Variants in MBNL1 observed in about 807,000 individuals in gnomAD.
MBNL1 encodes the protein muscleblind-like protein 1.
Under a neutral mutation model 42.2 loss-of-function variants are expected in MBNL1, and 8 were observed. The observed-to-expected ratio is 0.19, with a 90% CI of 0.11 to 0.34. MBNL1 has a LOEUF of 0.34. Ranked by LOEUF, MBNL1 falls within the 10% of genes least tolerant of loss-of-function variation. MBNL1 has a pLI of 1.00. For synonymous variants in MBNL1, 169 were observed against 173.9 expected (o/e 0.97, Z 0.22); for missense variants, 309 against 495.3 (o/e 0.62, Z 3.57).
intron 2 of MBNL1, among the ~76,000 whole-genome samples, chr3:152,327,088 C>T (rs573281461): frequency 6.6e-6 from 1 of 152,036 alleles, no homozygotes; most frequent in African/African-American, 2.4e-5. Context: ...GGATTACAGG[C>T]GTGAGCCACT....
intron 5 of MBNL1, chr3:152,446,567 G>A: frequency 3.1e-6 from 2 of 641,650 alleles, no homozygotes; most frequent in Non-Finnish European, 5.6e-6. Flanking sequence ...CCGATGATTT[G>A]TTTTTTTATT....
At chr3:152,273,652 C>G (rs184321819) in intron 1 of MBNL1, among the ~76,000 whole-genome samples, 1 of 152,072 alleles carries the variant, frequency 6.6e-6, no homozygotes, top group Non-Finnish European at 1.5e-5. Context: ...AATCTCAAAA[C>G]GAAATGTAGC....
intron 2 of MBNL1, among the ~76,000 whole-genome samples, chr3:152,346,370 A>G (rs1012634618): frequency 1.3e-5 from 2 of 152,140 alleles, no homozygotes; most frequent in African/African-American, 4.8e-5. Flanking sequence ...GTTTATTTAT[A>G]TTCCTTAAAT....
upstream of MBNL1, chr3:152,268,844 T>TGGGGC: frequency 4.7e-6 from 2 of 424,430 alleles, no homozygotes; most frequent in South Asian, 3.2e-5. Context: ...GGCTTCCTGG[T>TGGGGC]GGGGCTGGGC....
intron 2 of MBNL1, among the ~76,000 whole-genome samples, chr3:152,337,418 G>A (rs1371431668): frequency 1.3e-5 from 2 of 152,064 alleles, no homozygotes; most frequent in African/African-American, 2.4e-5. Context: ...TCAGGAGTTC[G>A]AGAACAGCCT....
At chr3:152,456,457 G>A in intron 8 of MBNL1, 96 bp downstream of exon 8, 1 of 985,570 alleles carries the variant, frequency 1.0e-6, no homozygotes, top group Non-Finnish European at 1.6e-6. Context: ...GAGGTCAGTG[G>A]GAATCGTGTG....
intron 2 of MBNL1, among the ~76,000 whole-genome samples, chr3:152,342,364 T>C (rs1214962412): frequency 6.6e-6 from 1 of 152,152 alleles, no homozygotes; most frequent in East Asian, 1.9e-4. Context: ...TATTGTCTCC[T>C]TCTCAGGGTT....
At chr3:152,437,623 T>A (rs1032247991) in intron 4 of MBNL1, among the ~76,000 whole-genome samples, 7 of 152,208 alleles carry the variant, frequency 4.6e-5, no homozygotes, top group Admixed American at 1.3e-4. Flanking sequence ...CATTTATTTT[T>A]AAAAATTATA....
intron 2 of MBNL1, among the ~76,000 whole-genome samples, chr3:152,362,278 C>A (rs1179826036): frequency 6.6e-6 from 1 of 152,188 alleles, no homozygotes; most frequent in Non-Finnish European, 1.5e-5. Flanking sequence ...GTGCTCACTG[C>A]CGCGCGGATC....
chr3:152,272,039 TTCTCTCTCTCTCTCTC>T (rs139763690), intron 1 of MBNL1, among the ~76,000 whole-genome samples: 6 of 147,708 alleles, frequency 4.1e-5, no homozygotes, highest in Non-Finnish European at 7.5e-5. Flanking sequence ...CCTGTTTCTT[TTCTCTCTCTCTCTCTC>T]TCTCTCTCTC....
chr3:152,339,778 T>C (rs1334431722), intron 2 of MBNL1: 2 of 152,178 alleles, frequency 1.3e-5, no homozygotes, highest in Admixed American at 1.3e-4. Context: ...TATTGATCTT[T>C]GACAGTGTTT....
intron 2 of MBNL1, among the ~76,000 whole-genome samples, chr3:152,391,521 G>A (rs1474565823): frequency 2.6e-5 from 4 of 152,058 alleles, no homozygotes. Context: ...GGTCCATAAA[G>A]CTTTCCTGAA....
chr3:152,338,884 G>T (rs2092211014), intron 2 of MBNL1, among the ~76,000 whole-genome samples: 1 of 151,876 alleles, frequency 6.6e-6, no homozygotes, highest in African/African-American at 2.4e-5. Flanking sequence ...ATTAAATTTG[G>T]CATGGAACAG....
At chr3:152,423,780 AT>A (rs1393569802) in intron 3 of MBNL1, among the ~76,000 whole-genome samples, 2 of 152,240 alleles carry the variant, frequency 1.3e-5, no homozygotes, top group Non-Finnish European at 2.9e-5. Flanking sequence ...GGTTCAGCAT[AT>A]GGAAATCAAT....
upstream of MBNL1, chr3:152,264,690 TAATTTCAA>T (rs2036891076): frequency 6.6e-6 from 1 of 152,198 alleles, no homozygotes; most frequent in African/African-American, 2.4e-5. Flanking sequence ...TTTGAACTTT[TAATTTCAA>T]AATGTATTTG....
intron 9 of MBNL1, among the ~76,000 whole-genome samples, chr3:152,461,687 T>C (rs987957350): frequency 1.3e-5 from 2 of 152,232 alleles, no homozygotes; most frequent in African/African-American, 4.8e-5. Context: ...ATTTTCAAGG[T>C]TGTATTGTGA....
At chr3:152,268,571 A>G (rs1576839085), upstream of MBNL1, 2 of 350,724 alleles carry the variant, frequency 5.7e-6, no homozygotes, top group South Asian at 2.1e-5. Flanking sequence ...TCCGGTCTGC[A>G]CGCCCGCCGC....
intron 1 of MBNL1, among the ~76,000 whole-genome samples, chr3:152,291,487 C>T (rs2055959858): frequency 6.6e-6 from 1 of 152,164 alleles, no homozygotes; most frequent in Admixed American, 6.5e-5. Flanking sequence ...GTGACATCCC[C>T]AATATACTAA....
At chr3:152,314,501 A>G (rs2069317806) in intron 2 of MBNL1, among the ~76,000 whole-genome samples, 1 of 151,602 alleles carries the variant, frequency 6.6e-6, no homozygotes, top group African/African-American at 2.4e-5. Context: ...TCAGCCTCCC[A>G]AGTAGCTAGG....
Sources: allele counts gnomAD v4.1 joint callset (sites outside exome capture counted in the v4.1 genomes callset), GRCh38; gene constraint gnomAD v4.1.1; transcripts MANE v1.5; gene names NCBI Gene and HGNC (gene_info 2026-07-23, HGNC 2026-07-21).